The following SAMD3 variants were observed in gnomAD, a reference collection of about 807,000 sequenced individuals.
The protein encoded by SAMD3 is sterile alpha motif domain containing 3.
SAMD3 carries 63 observed loss-of-function variants against 58.5 expected under a neutral mutation model. That is an observed-to-expected ratio of 1.08 (90% CI 0.88 to 1.33). The LOEUF (loss-of-function observed/expected upper bound fraction) is 1.33. Among genes scored for constraint, SAMD3 ranks in the 40% most tolerant of loss-of-function variants. SAMD3 has a pLI of 0.00. For missense variants in SAMD3, 604 were observed against 608.4 expected, an observed-to-expected ratio of 0.99 and a Z score of 0.08; for synonymous variants, 220 against 210.3, an observed-to-expected ratio of 1.05 and a Z score of -0.40.
chr6:130,331,396 G>A (rs1372164650), intron 1 of SAMD3, among the ~76,000 whole-genome samples: 1 of 152,174 alleles, frequency 6.6e-6, no homozygotes, highest in Non-Finnish European at 1.5e-5. Flanking sequence ...AGTTGATGAG[G>A]AAAGTCATAT....
intron 2 of SAMD3, among the ~76,000 whole-genome samples, chr6:130,257,301 G>C (rs994247922): frequency 2.0e-5 from 3 of 152,090 alleles, no homozygotes; most frequent in Non-Finnish European, 4.4e-5. Flanking sequence ...ATAAAATTCT[G>C]TTTTTAAGTT....
intron 1 of SAMD3, among the ~76,000 whole-genome samples, chr6:130,345,378 C>A (rs1777414134): frequency 6.6e-6 from 1 of 152,140 alleles, no homozygotes. Flanking sequence ...TCCTGTTAGG[C>A]AGCTGTGTAG....
intron 2 of SAMD3, among the ~76,000 whole-genome samples, chr6:130,265,995 C>T (rs1774336380): frequency 6.6e-6 from 1 of 152,168 alleles, no homozygotes; most frequent in South Asian, 2.1e-4. Flanking sequence ...ATCCTGTCCA[C>T]CTTCAGCAAG....
chr6:130,245,515 GT>G (rs1457798454), intron 2 of SAMD3, among the ~76,000 whole-genome samples: 1 of 152,188 alleles, frequency 6.6e-6, no homozygotes, highest in Non-Finnish European at 1.5e-5. Context: ...TTCCACTTAG[GT>G]TGGAGGTCAC....
At chr6:130,308,525 T>C (rs2114985034) in intron 2 of SAMD3, among the ~76,000 whole-genome samples, 1 of 151,908 alleles carries the variant, frequency 6.6e-6, no homozygotes, top group African/African-American at 2.4e-5. Context: ...GGAAATAGCA[T>C]AATACCCAAT....
chr6:130,362,739 C>T (rs1312613704), intron 1 of SAMD3, among the ~76,000 whole-genome samples: 12 of 152,072 alleles, frequency 7.9e-5, no homozygotes, highest in Admixed American at 2.0e-4. Flanking sequence ...TTTAAGTAGT[C>T]GTATCAGCCT....
chr6:130,260,852 T>A (rs2114921983), intron 2 of SAMD3, among the ~76,000 whole-genome samples: 1 of 152,352 alleles, frequency 6.6e-6, no homozygotes, highest in African/African-American at 2.4e-5. Flanking sequence ...AACTGGTACT[T>A]GGAGTCTGGA....
intron 5 of SAMD3, among the ~76,000 whole-genome samples, chr6:130,203,694 G>A (rs1794837195): frequency 6.6e-6 from 1 of 152,150 alleles, no homozygotes; most frequent in Non-Finnish European, 1.5e-5. Flanking sequence ...CCTGTGTCAG[G>A]GACTGCACAG....
chr6:130,176,375 T>C (rs971920871), intron 7 of SAMD3, among the ~76,000 whole-genome samples: 2 of 152,240 alleles, frequency 1.3e-5, no homozygotes, highest in Non-Finnish European at 2.9e-5. Flanking sequence ...TCTAGTGGGT[T>C]CTAGAAAAGA....
intron 2 of SAMD3, among the ~76,000 whole-genome samples, chr6:130,276,727 A>G (rs1343241805): frequency 6.6e-6 from 1 of 152,076 alleles, no homozygotes; most frequent in East Asian, 1.9e-4. Flanking sequence ...GTAGAGAAAG[A>G]GTTTAATTAA....
intron 4 of SAMD3, among the ~76,000 whole-genome samples, chr6:130,211,234 C>CT (rs148645559): frequency 0.047 from 7,125 of 151,716 alleles, 211 homozygotes; most frequent in Non-Finnish European, 0.067. Flanking sequence ...CCAGACATTC[C>CT]TTTCTATTGA....
chr6:130,215,557 G>T, intron 2 of SAMD3: 3 of 1,324,086 alleles, frequency 2.3e-6, no homozygotes, highest in Non-Finnish European at 2.9e-6. Flanking sequence ...TTTTCCACAG[G>T]CATCTCTAAG....
At chr6:130,317,359 G>A (rs12202591) in intron 1 of SAMD3, among the ~76,000 whole-genome samples, 2 of 152,064 alleles carry the variant, frequency 1.3e-5, no homozygotes, top group East Asian at 1.9e-4. Flanking sequence ...TTTGTTGGAC[G>A]CCTACTACGT....
At position 130,333,052 on chromosome 6, in the gene SAMD3, T is replaced by C. The variant is rs1258911897; in HGVS notation, c.-303-19959A>G. ...GGCCACAGTTGAGTATGCGTGTGTG[T>C]GTGTGTGTGTGTGTGTGTGTGTGTG... On this transcript the variant is annotated intron_variant, in intron 1 of 13. Transcript: ENST00000368134. Among the ~76,000 whole-genome samples the C allele has an allele frequency of 5.9e-5, 3 of 51,158 alleles. No individual in the cohort carries two copies. The African/African-American group carries it at 7.8e-4, about 13-fold the overall frequency. 33.6% of individuals were successfully genotyped at this position (51,158 alleles called of 152,430 possible). A position where few individuals can be genotyped will look rare whatever the true frequency, so the allele number is the denominator to read the frequency against.
chr6:130,290,226 T>A (rs923399636), intron 2 of SAMD3, among the ~76,000 whole-genome samples: 1 of 152,152 alleles, frequency 6.6e-6, no homozygotes, highest in Non-Finnish European at 1.5e-5. Context: ...TTATGCGGAC[T>A]GGCAAGTCTG....
intron 8 of SAMD3, among the ~76,000 whole-genome samples, chr6:130,169,187 ACT>A (rs1791002418): frequency 1.3e-5 from 2 of 152,082 alleles, no homozygotes; most frequent in Non-Finnish European, 2.9e-5. Context: ...GTTGGTAATC[ACT>A]CTGAAAAATA....
chr6:130,159,165 G>C (rs967245092), intron 8 of SAMD3, among the ~76,000 whole-genome samples: 5 of 152,128 alleles, frequency 3.3e-5, no homozygotes, highest in African/African-American at 9.7e-5. Flanking sequence ...AATCATGGGG[G>C]CAAGTCTTTC....
chr6:130,183,421 G>A (rs780361684), intron 7 of SAMD3: 1 of 453,324 alleles, frequency 2.2e-6, no homozygotes, highest in South Asian at 1.6e-5. Context: ...AGAAAGCAGA[G>A]ATCTGACAGG....
At chr6:130,323,888 T>C (rs969373349) in intron 1 of SAMD3, among the ~76,000 whole-genome samples, 1 of 151,868 alleles carries the variant, frequency 6.6e-6, no homozygotes, top group Non-Finnish European at 1.5e-5. Flanking sequence ...TGGTTCCCTT[T>C]CATTAGTGTC....
Sources: allele counts gnomAD v4.1 joint callset (sites outside exome capture counted in the v4.1 genomes callset), GRCh38; gene constraint gnomAD v4.1.1; transcripts MANE v1.5; gene names NCBI Gene and HGNC (gene_info 2026-07-23, HGNC 2026-07-21).